PPP2R1B: variants seen among roughly 807,000 people sequenced by gnomAD.
The protein encoded by PPP2R1B is protein phosphatase 2 scaffold subunit Abeta.
In PPP2R1B, 58 loss-of-function variants were observed where a neutral mutation model predicts 72.7. The observed-to-expected ratio is 0.80, with a 90% CI of 0.65 to 0.99. The LOEUF (loss-of-function observed/expected upper bound fraction) is 0.99, where lower values mean the gene tolerates loss of function less well. Ranked by LOEUF, PPP2R1B falls within the 50% of genes least tolerant of loss-of-function variation. The pLI is 0.00. For missense variants in PPP2R1B, 695 were observed against 733.6 expected, an observed-to-expected ratio of 0.95 and a Z score of 0.61; for synonymous variants, 256 against 264.6, an observed-to-expected ratio of 0.97 and a Z score of 0.32.
rs1555050764 is a variant in PPP2R1B, at chr11:111,759,912, T to C, written c.579A>G (p.Val193=). ...CCAATTTGGAAGCAGCAGCACGTCG[T>C]ACCATTGGTGTGTCATCTGAGCACA... The part of the protein sequence containing the change: ...RSLCSDDTPM[V]RRAAASKLGE... Residue 193 remains valine, a synonymous_variant, in exon 5 of 15, where the codon GTA becomes GTG. Coordinates refer to ENST00000527614, the MANE Select transcript of PPP2R1B (RefSeq NM_002716.5). 3 of 1,614,180 alleles carry C rather than the reference T, an allele frequency of 1.9e-6. No individual in the cohort carries two copies. The highest frequency in any genetic ancestry group is 2.2e-5 in the South Asian group (2 of 91,076).
chr11:111,754,858 A>G, intron 7 of PPP2R1B, 122 bp downstream of exon 7: 1 of 925,098 alleles, frequency 1.1e-6, no homozygotes, highest in East Asian at 2.6e-5. Flanking sequence ...ATTTCCACAC[A>G]CTAAAAACAT....
At chr11:111,765,893 C>G (rs1945513009) in intron 1 of PPP2R1B, 1 of 499,694 alleles carries the variant, frequency 2.0e-6, no homozygotes, top group Non-Finnish European at 3.9e-6. Context: ...GCTCCAGCCC[C>G]GTCTCGGCCT....
downstream of PPP2R1B, chr11:111,723,957 A>T (rs779256626): frequency 6.2e-7 from 1 of 1,614,042 alleles, no homozygotes; most frequent in East Asian, 2.2e-5. Flanking sequence ...TATCCTGTGG[A>T]TGGAGCCCAG....
chr11:111,746,681 T>A (rs116592459), intron 11 of PPP2R1B, among the ~76,000 whole-genome samples: 1 of 152,356 alleles, frequency 6.6e-6, no homozygotes, highest in African/African-American at 2.4e-5. Flanking sequence ...TTTGCTAGGA[T>A]GCACCATTCC....
intron 4 of PPP2R1B, among the ~76,000 whole-genome samples, 156 bp downstream of exon 4, chr11:111,760,659 AAAAG>A (rs1263522516): frequency 2.4e-4 from 37 of 152,146 alleles, no homozygotes; most frequent in African/African-American, 2.9e-4. Context: ...TTAAAAAAAA[AAAAG>A]AAAGATGTCA....
the PPP2R1B span, among the ~76,000 whole-genome samples, chr11:111,704,804 C>G: frequency 6.6e-6 from 1 of 152,186 alleles, no homozygotes; most frequent in Non-Finnish European, 1.5e-5. Context: ...ATAATTAATA[C>G]TAGAGACTTG....
chr11:111,721,804 A>G, the PPP2R1B span: 1 of 1,571,862 alleles, frequency 6.4e-7, no homozygotes, highest in Non-Finnish European at 8.6e-7. Flanking sequence ...GGAATTGAAA[A>G]TTGTTTCCAC....
intron 6 of PPP2R1B, 89 bp from the exon 7 acceptor site, chr11:111,755,183 T>G (rs1482111669): frequency 6.5e-7 from 1 of 1,532,306 alleles, no homozygotes; most frequent in Admixed American, 2.0e-5. Flanking sequence ...AAATACATAT[T>G]TTTGCCACAG....
intron 8 of PPP2R1B, among the ~76,000 whole-genome samples, chr11:111,753,972 A>G (rs993810913): frequency 1.3e-5 from 2 of 151,758 alleles, no homozygotes; most frequent in Non-Finnish European, 2.9e-5. Flanking sequence ...GCTGGAGTAC[A>G]GTGGCATGAT....
rs547695165 is a variant in PPP2R1B, at chr11:111,756,120, G to A, written c.688-670C>T. Among the ~76,000 whole-genome samples, 16 of 151,874 alleles carry A rather than the reference G, an allele frequency of 1.1e-4. No individual in the cohort carries two copies. The South Asian group carries it at 1.7e-3, about 16-fold the overall frequency. On this transcript the variant is annotated intron_variant, in intron 5 of 14. Coordinates refer to ENST00000527614, the MANE Select transcript of PPP2R1B (RefSeq NM_002716.5). Reference sequence around the variant, plus strand: ...AGCTACTCGGGAGGCTGAGGCAGGCGAATGGCGTGAACCCAGCAGGCGGAG... The same window carrying A: ...AGCTACTCGGGAGGCTGAGGCAGGCAAATGGCGTGAACCCAGCAGGCGGAG...
In PPP2R1B at chr11:111,763,290, C is replaced by T. The variant is rs192696091; in HGVS notation, c.306+1515G>A. ...GACCAATGTGAATGGAAGAGGTTATCAAGGCCTTTTGCAGTCTGTTCCCTG... is the reference window on the plus strand; with the variant it reads ...GACCAATGTGAATGGAAGAGGTTATTAAGGCCTTTTGCAGTCTGTTCCCTG... On this transcript the variant is annotated intron_variant, in intron 3 of 14. Transcript: ENST00000527614. Among the ~76,000 whole-genome samples, 6 of 152,298 alleles carry T rather than the reference C, an allele frequency of 3.9e-5. No individual in the cohort carries two copies. In the East Asian group the frequency reaches 9.6e-4, roughly 24 times the overall value.
At chr11:111,715,048 T>C in the PPP2R1B span, among the ~76,000 whole-genome samples, 1 of 152,224 alleles carries the variant, frequency 6.6e-6, no homozygotes, top group Non-Finnish European at 1.5e-5. Context: ...AAGCTTGTGA[T>C]TGTTACTGTA....
chr11:111,760,612 G>C (rs868928931), intron 4 of PPP2R1B, among the ~76,000 whole-genome samples: 14 of 151,646 alleles, frequency 9.2e-5, no homozygotes, highest in Non-Finnish European at 1.9e-4. Context: ...TTGTGCCACC[G>C]CACTCCAGCC....
chr11:111,725,400 CATTAT>C (rs1943934104), downstream of PPP2R1B: 5 of 152,708 alleles, frequency 3.3e-5, no homozygotes, highest in Admixed American at 2.6e-4. Flanking sequence ...ATCTGCCAAA[CATTAT>C]ATTACTAATA....
At position 111,738,936 on chromosome 11, in the gene PPP2R1B, T is replaced by A. The variant is rs548568335; in HGVS notation, c.*2660A>T. 32 of 982,818 alleles carry A rather than the reference T, an allele frequency of 3.3e-5. No homozygotes were observed. In the South Asian group the frequency reaches 4.7e-4, roughly 15 times the overall value. The allele number at this position is 982,818 out of a possible 1,614,324, so 60.9% of individuals were successfully genotyped here. ...TGTGTGTGTGTGTGTCTGCTTCATT[T>A]TTCTAATCAAACAAACAACTGATGT... is the stretch of plus-strand genomic sequence containing the variant. On this transcript the variant is annotated 3_prime_UTR_variant, in exon 15 of 15. Transcript: ENST00000527614.
downstream of PPP2R1B, chr11:111,726,301 A>G (rs1943964134): frequency 6.6e-6 from 1 of 152,274 alleles, no homozygotes; most frequent in Non-Finnish European, 1.5e-5. Context: ...TGAGCTGCTT[A>G]GCCCAGGAGA....
At chr11:111,727,028 A>T (rs767018821) in exon 16 of PPP2R1B, 2 of 1,614,130 alleles carry the variant, frequency 1.2e-6, no homozygotes, top group East Asian at 4.5e-5. Context: ...GTGTGTCTCT[A>T]GTATCTCCAC....
rs1173673474 is a variant in PPP2R1B, at chr11:111,740,188, C to T, written c.*1408G>A. ...TGGGAAAACCCCCTTAACCAAAAGTCATGAGACAAGGTGAGTTTGATTATG... is the reference window on the plus strand; with the variant it reads ...TGGGAAAACCCCCTTAACCAAAAGTTATGAGACAAGGTGAGTTTGATTATG... On this transcript the variant is annotated 3_prime_UTR_variant, in exon 15 of 15. Coordinates refer to ENST00000527614, the MANE Select transcript of PPP2R1B (RefSeq NM_002716.5). 9 of 985,314 alleles carry T rather than the reference C, an allele frequency of 9.1e-6. No homozygotes were observed. The highest frequency in any genetic ancestry group is 9.6e-6 in the Non-Finnish European group (8 of 829,864). The allele number at this position is 985,314 out of a possible 1,614,324, so 61.0% of individuals were successfully genotyped here.
Position 111,755,025 on chromosome 11 carries a change from C to T in PPP2R1B, c.913G>A (p.Asp305Asn), listed in dbSNP as rs782616569. 1 of 1,614,090 alleles carries T rather than the reference C, an allele frequency of 6.2e-7. No homozygotes were observed. The change falls in exon 7 of 15, where the codon GAC (aspartate) becomes AAC (asparagine). Residue 305 changes from aspartate to asparagine, a missense_variant. Coordinates refer to ENST00000527614, the MANE Select transcript of PPP2R1B (RefSeq NM_002716.5). ...GCTGCCCGGACTTCAGCTTCACAGTCTTTAAGTAGGTTCTGAAAGGCGGGG... is the reference window on the plus strand; with the variant it reads ...GCTGCCCGGACTTCAGCTTCACAGTTTTTAAGTAGGTTCTGAAAGGCGGGG... ...LIPAFQNLLK[D>N]CEAEVRAAAA...
Sources: gnomAD v4.1 joint callset for allele counts (sites outside exome capture counted in the v4.1 genomes callset) on GRCh38, gnomAD v4.1.1 for gene constraint, MANE v1.5 for transcripts, NCBI Gene and HGNC (gene_info 2026-07-23, HGNC 2026-07-21) for gene names.